The following NRDC variants were observed in gnomAD, a reference collection of about 807,000 sequenced individuals.
NRDC encodes the protein nardilysin convertase.
A neutral mutation model predicts 147.1 loss-of-function variants in NRDC; 54 were observed. That is an observed-to-expected ratio of 0.37 (90% CI 0.29 to 0.46). The LOEUF is 0.46. Among genes scored for constraint, NRDC ranks in the 20% least tolerant of loss-of-function variants. The pLI, the probability that NRDC is intolerant of heterozygous loss-of-function variation, is 1.00. For missense variants in NRDC, 1,082 were observed against 1,370.6 expected, an observed-to-expected ratio of 0.79 and a Z score of 3.33; for synonymous variants, 440 against 482.1, an observed-to-expected ratio of 0.91 and a Z score of 1.14.
chr1:51,838,881 T>C (rs906495738), intron 2 of NRDC, among the ~76,000 whole-genome samples: 1 of 151,938 alleles, frequency 6.6e-6, no homozygotes, highest in Non-Finnish European at 1.5e-5. Flanking sequence ...TACCTTTTTT[T>C]CCCCCAGTGT....
intron 9 of NRDC, among the ~76,000 whole-genome samples, 179 bp downstream of exon 9, chr1:51,819,621 G>A (rs1680123919): frequency 6.6e-6 from 1 of 152,166 alleles, no homozygotes; most frequent in Non-Finnish European, 1.5e-5. Context: ...TCGATCTGCA[G>A]CTAGTCAGTG....
chr1:51,867,866 A>C (rs368334986), intron 1 of NRDC, among the ~76,000 whole-genome samples: 8 of 152,324 alleles, frequency 5.3e-5, no homozygotes, highest in African/African-American at 1.9e-4. Flanking sequence ...AGAGAAACTG[A>C]ATAGCTAGAA....
At position 51,878,700 on chromosome 1, in the gene NRDC, T is replaced by G; in HGVS notation, c.-85A>C. 2 of 1,246,956 alleles carry G rather than the reference T, an allele frequency of 1.6e-6. No homozygotes were observed. The highest frequency in any genetic ancestry group is 1.5e-5 in the African/African-American group (1 of 67,372). The allele number at this position is 1,246,956 out of a possible 1,614,324, so 77.2% of individuals were successfully genotyped here. A position where few individuals can be genotyped will look rare whatever the true frequency, so the allele number is the denominator to read the frequency against. ...TAGAGGCGGTGGCGGCCGGCCCTGGTGCTGCCGCAGCCGCGGGGAACAGGC... is the reference window on the plus strand; with the variant it reads ...TAGAGGCGGTGGCGGCCGGCCCTGGGGCTGCCGCAGCCGCGGGGAACAGGC... On this transcript the variant is annotated 5_prime_UTR_variant, in exon 1 of 31. Coordinates refer to ENST00000352171, the MANE Select transcript of NRDC (RefSeq NM_001101662.2).
intron 21 of NRDC, 115 bp downstream of exon 21, chr1:51,800,441 T>G: frequency 8.3e-7 from 1 of 1,210,366 alleles, no homozygotes; most frequent in East Asian, 2.4e-5. Flanking sequence ...AGAGCACGAT[T>G]CAAACACGGA....
intron 1 of NRDC, among the ~76,000 whole-genome samples, chr1:51,876,378 G>T (rs1683327979): frequency 1.3e-5 from 2 of 152,150 alleles, no homozygotes; most frequent in African/African-American, 4.8e-5. Flanking sequence ...TTGGGGATGG[G>T]ATGCAGTATA....
At chr1:51,790,409 A>G (rs974887453) in intron 29 of NRDC, 124 bp downstream of exon 29, 2 of 710,058 alleles carry the variant, frequency 2.8e-6, no homozygotes, top group Non-Finnish European at 5.0e-6. Flanking sequence ...TGAGCGAGTA[A>G]TCAGGCCAGG....
chr1:51,867,510 G>T (rs1017938392), intron 1 of NRDC, among the ~76,000 whole-genome samples: 11 of 152,194 alleles, frequency 7.2e-5, no homozygotes, highest in African/African-American at 2.7e-4. Context: ...AGTAAGGGTA[G>T]ATGAGAAGTC....
At chr1:51,849,686 GGCA>G (rs1222280908) in intron 1 of NRDC, among the ~76,000 whole-genome samples, 68 of 150,200 alleles carry the variant, frequency 4.5e-4, no homozygotes, top group African/African-American at 1.6e-3. Flanking sequence ...CATGGTGGCT[GGCA>G]CCTGTAGTCC....
intron 20 of NRDC, among the ~76,000 whole-genome samples, chr1:51,803,228 A>T (rs1007447302): frequency 1.3e-5 from 2 of 152,144 alleles, no homozygotes; most frequent in Admixed American, 1.3e-4. Context: ...TAATCCCAGC[A>T]CTTTCAGAGG....
At chr1:51,852,870 C>A (rs1682043975) in intron 1 of NRDC, among the ~76,000 whole-genome samples, 1 of 152,096 alleles carries the variant, frequency 6.6e-6, no homozygotes, top group Non-Finnish European at 1.5e-5. Flanking sequence ...GCTAATAGAA[C>A]AATGATACTC....
intron 1 of NRDC, among the ~76,000 whole-genome samples, chr1:51,865,397 C>CG (rs1238043760): frequency 6.6e-6 from 1 of 151,802 alleles, no homozygotes; most frequent in African/African-American, 2.4e-5. Context: ...TCCGCCTCCC[C>CG]GGGTTCAAGC....
chr1:51,799,215 C>T (rs1034753339), intron 21 of NRDC: 5 of 152,016 alleles, frequency 3.3e-5, no homozygotes, highest in Admixed American at 6.6e-5. Context: ...TATTATTATA[C>T]TTTAAATTCT....
intron 1 of NRDC, among the ~76,000 whole-genome samples, chr1:51,851,006 G>A (rs1194038709): frequency 1.3e-5 from 2 of 152,154 alleles, no homozygotes; most frequent in African/African-American, 4.8e-5. Flanking sequence ...TGGAGTGGGT[G>A]CCTCATCTGT....
rs1165689112 is a variant in NRDC at position 51,878,498 on chromosome 1, C to A, written c.118G>T (p.Ala40Ser). 3.7e-6 allele frequency: 6 copies of A among 1,613,806 alleles called. No homozygotes were observed. In the African/African-American group the frequency reaches 8.0e-5, roughly 22 times the overall value. The stretch of plus-strand genomic sequence containing the variant: ...AGAATAGGAAAGGGTCTGGCAGCAG[C>A]AGAGTCTTCGCACCGACCCCGCGTT... ...IETRGRCEDS[A>S]AARPFPILAM... The change falls in exon 1 of 31, where the codon GCT becomes TCT. Residue 40 changes from alanine (A) to serine (S), a missense_variant. Transcript: ENST00000352171.
chr1:51,846,965 A>C (rs1024885177), intron 1 of NRDC, among the ~76,000 whole-genome samples: 2 of 151,536 alleles, frequency 1.3e-5, no homozygotes, highest in African/African-American at 2.4e-5. Context: ...TGGTGCATTT[A>C]CAAACCCTGA....
At chr1:51,817,482 C>T (rs1680025429) in intron 10 of NRDC, among the ~76,000 whole-genome samples, 1 of 152,144 alleles carries the variant, frequency 6.6e-6, no homozygotes, top group South Asian at 2.1e-4. Context: ...CTGCATAAAC[C>T]TGCCCTAATT....
At chr1:51,832,800 T>G (rs556691107) in intron 4 of NRDC, among the ~76,000 whole-genome samples, 1 of 152,268 alleles carries the variant, frequency 6.6e-6, no homozygotes, top group Admixed American at 6.5e-5. Context: ...TTTCACTGCT[T>G]AGAACTTAAT....
intron 6 of NRDC, among the ~76,000 whole-genome samples, chr1:51,824,945 G>A (rs1419700824): frequency 9.2e-5 from 14 of 152,152 alleles, no homozygotes; most frequent in Non-Finnish European, 4.4e-5. Context: ...GAACCACCAC[G>A]CCTGGCCTAA....
rs376103715 is a variant in NRDC at position 51,827,823 on chromosome 1, C to G, written c.913G>C (p.Asp305His). 5 of 1,613,884 alleles carry G rather than the reference C, an allele frequency of 3.1e-6. No individual in the cohort carries two copies. The highest frequency in any genetic ancestry group is 3.4e-6 in the Non-Finnish European group (4 of 1,179,870). ...CTATCAACAGCTTCAACTTCACGGT[C>G]AATTGCATCTCTGATCATTAGTGGG... ...IHPLMIRDAIDREVEAVDSEY... is the reference protein window; with the variant it reads ...IHPLMIRDAIHREVEAVDSEY... Residue 305 changes from aspartate (D) to histidine (H), a missense_variant, in exon 5 of 31, where the codon GAC becomes CAC. Physicochemically the swap from Asp to His is moderately conservative, Grantham distance 81 (BLOSUM62 -1). This residue lies in a region of NRDC where 635 missense variants were observed against 923.8 expected (regional missense o/e 0.69). Transcript: ENST00000352171.
Sources: gnomAD v4.1 joint callset for allele counts (sites outside exome capture counted in the v4.1 genomes callset) on GRCh38, gnomAD v4.1.1 for gene constraint, gnomAD v4.1.1 regional missense constraint, MANE v1.5 for transcripts, NCBI Gene and HGNC (gene_info 2026-07-23, HGNC 2026-07-21) for gene names.